BLNK: variants seen among roughly 807,000 people sequenced by gnomAD.
BLNK encodes the protein B cell linker, also known as B-cell linker protein.
Under a neutral mutation model 73.5 loss-of-function variants are expected in BLNK, and 29 were observed. The observed-to-expected ratio is 0.39, with a 90% CI of 0.29 to 0.54. The LOEUF (loss-of-function observed/expected upper bound fraction) is 0.54. Ranked by LOEUF, BLNK falls within the 20% of genes least tolerant of loss-of-function variation. The pLI, the probability that BLNK is intolerant of heterozygous loss-of-function variation, is 0.61. For missense variants in BLNK, 460 were observed against 562.8 expected, an observed-to-expected ratio of 0.82 and a Z score of 1.85; for synonymous variants, 176 against 200.8, an observed-to-expected ratio of 0.88 and a Z score of 1.04.
intron 4 of BLNK, among the ~76,000 whole-genome samples, chr10:96,228,077 G>A (rs935357291): frequency 7.1e-6 from 1 of 141,044 alleles, no homozygotes; most frequent in Admixed American, 7.8e-5. Context: ...TGGACTCAGG[G>A]TTTGCTCTCT....
At chr10:96,220,346 A>G (rs1405747944) in intron 6 of BLNK, among the ~76,000 whole-genome samples, 4 of 152,194 alleles carry the variant, frequency 2.6e-5, no homozygotes, top group East Asian at 1.9e-4. Context: ...TGCCACTTCA[A>G]TGATATTTCT....
In BLNK at chr10:96,227,779, C is replaced by A. The variant is rs12414118; in HGVS notation, c.205-213G>T. ...TTTATCGTCTCCACCACTGCACTGT[C>A]CTTGGGGGACACAGGAACTACTTAA... On this transcript the variant is annotated intron_variant, in intron 4 of 16. Coordinates refer to ENST00000224337, the MANE Select transcript of BLNK (RefSeq NM_013314.4). Among the ~76,000 whole-genome samples, 20,274 of 152,118 alleles carry A rather than the reference C, an allele frequency of 0.13. 1,907 individuals are homozygous for A. The highest frequency in any genetic ancestry group is 0.44 in the East Asian group (2,288 of 5,158).
chr10:96,215,443 T>TA, intron 7 of BLNK, 54 bp from the exon 8 acceptor site: 1 of 1,488,450 alleles, frequency 6.7e-7, no homozygotes, highest in East Asian at 2.5e-5. Flanking sequence ...ATAAAACCAT[T>TA]ACAGATACAT....
Position 96,215,384 on chromosome 10 carries a change from T to C in BLNK, c.613A>G (p.Met205Val). 1 of 1,612,050 alleles carries C rather than the reference T, an allele frequency of 6.2e-7. No individual in the cohort carries two copies. Among genetic ancestry groups the C allele is most frequent in the Non-Finnish European group, 8.5e-7 (1 of 1,179,392 alleles). Reference protein sequence around the residue: ...SSSPPPEKAPMVNRSTKPNSS... With the variant: ...SSSPPPEKAPVVNRSTKPNSS... ...TTTGGCTTGGTTGATCTATTCACCA[T>C]GGGAGCTTAAACACAGAAATGTGTG... The change falls in exon 8 of 17, where the codon ATG (methionine) becomes GTG (valine). Residue 205 changes from methionine to valine, a missense_variant. Coordinates refer to ENST00000224337, the MANE Select transcript of BLNK (RefSeq NM_013314.4).
At chr10:96,234,396 G>A (rs1282001901) in intron 3 of BLNK, among the ~76,000 whole-genome samples, 1 of 152,168 alleles carries the variant, frequency 6.6e-6, no homozygotes, top group Admixed American at 6.6e-5. Context: ...AAAAAGCATG[G>A]GAGTCCGAGG....
intron 3 of BLNK, among the ~76,000 whole-genome samples, chr10:96,232,099 T>C (rs1564835372): frequency 6.6e-6 from 1 of 152,242 alleles, no homozygotes; most frequent in Admixed American, 6.5e-5. Flanking sequence ...TCACATAAAC[T>C]GACCTTAGAG....
At chr10:96,271,301 T>G in intron 1 of BLNK, 51 bp downstream of exon 1, 1 of 1,587,562 alleles carries the variant, frequency 6.3e-7, no homozygotes, top group Non-Finnish European at 8.6e-7. Context: ...ATAAGAGCAC[T>G]GGGGGGAAAA....
At chr10:96,211,039 T>C (rs2083936464) in intron 8 of BLNK, among the ~76,000 whole-genome samples, 1 of 151,934 alleles carries the variant, frequency 6.6e-6, no homozygotes, top group Non-Finnish European at 1.5e-5. Context: ...ACCTGGCTAA[T>C]TTTTTGTCCA....
chr10:96,263,407 C>T (rs148191032), intron 1 of BLNK, among the ~76,000 whole-genome samples: 37 of 152,292 alleles, frequency 2.4e-4, no homozygotes, highest in African/African-American at 8.9e-4. Context: ...GGAAACTGGC[C>T]AACAGAGAAG....
intron 1 of BLNK, among the ~76,000 whole-genome samples, chr10:96,270,391 C>G (rs1172309962): frequency 6.6e-6 from 1 of 152,108 alleles, no homozygotes; most frequent in African/African-American, 2.4e-5. Flanking sequence ...GAACATTTGG[C>G]TAAGTTCTAA....
chr10:96,204,581 T>A lies in BLNK; in HGVS notation c.853A>T (p.Ser285Cys). The A allele has an allele frequency of 6.2e-7, 1 of 1,614,124 alleles. No individual in the cohort carries two copies. Among genetic ancestry groups the A allele is most frequent in the Admixed American group, 1.7e-5 (1 of 60,028 alleles). ...GACTGCACAGCTTCTTGTCTGTGAC[T>A]TGACCCTCGGTGGCGTTCAGCAGGT... is the stretch of plus-strand genomic sequence containing the variant. ...PIPAERHRGS[S>C]HRQEAVQSPV... Residue 285 changes from serine (S) to cysteine (C), a missense_variant, in exon 12 of 17, where the codon AGT becomes TGT. By Grantham distance (112) the Ser-to-Cys change is moderately radical. Coordinates refer to ENST00000224337, the MANE Select transcript of BLNK (RefSeq NM_013314.4).
Position 96,222,721 on chromosome 10 carries a change from T to G in BLNK, c.525+1105A>C, listed in dbSNP as rs587632410. Among the ~76,000 whole-genome samples the G allele has an allele frequency of 2.6e-5, 4 of 152,208 alleles. No individual in the cohort carries two copies. The East Asian group carries it at 7.7e-4, about 29-fold the overall frequency. On this transcript the variant is annotated intron_variant, in intron 6 of 16. Transcript: ENST00000224337. ...CCTCCACAGGTTGTGCGGGGTACCTTACAGACTAGCTATCTCCATTGTACA... is the reference window on the plus strand; with the variant it reads ...CCTCCACAGGTTGTGCGGGGTACCTGACAGACTAGCTATCTCCATTGTACA...
chr10:96,245,588 T>C (rs782116178), intron 2 of BLNK, among the ~76,000 whole-genome samples: 4 of 152,156 alleles, frequency 2.6e-5, no homozygotes, highest in African/African-American at 4.8e-5. Context: ...GTTAATTGAA[T>C]TATAATATAT....
chr10:96,247,123 C>A, intron 1 of BLNK, 74 bp from the exon 2 acceptor site: 1 of 1,045,726 alleles, frequency 9.6e-7, no homozygotes, highest in Non-Finnish European at 1.4e-6. Context: ...CTACTCTTCT[C>A]GAATACAAAA....
At chr10:96,260,888 G>A (rs1843726903) in intron 1 of BLNK, among the ~76,000 whole-genome samples, 1 of 151,476 alleles carries the variant, frequency 6.6e-6, no homozygotes. Flanking sequence ...CTGTCACCCA[G>A]GCTGGGGTAT....
chr10:96,255,557 C>G (rs1843473587), intron 1 of BLNK, among the ~76,000 whole-genome samples: 1 of 152,014 alleles, frequency 6.6e-6, no homozygotes, highest in Non-Finnish European at 1.5e-5. Context: ...GAGAAAATCC[C>G]TGTTTAATCT....
chr10:96,270,624 A>G (rs1844229572), intron 1 of BLNK, among the ~76,000 whole-genome samples: 3 of 152,068 alleles, frequency 2.0e-5, no homozygotes, highest in Admixed American at 2.0e-4. Flanking sequence ...AAAAAAAAAA[A>G]ACTGTTAAAA....
At chr10:96,261,792 A>G (rs1389382378) in intron 1 of BLNK, among the ~76,000 whole-genome samples, 7 of 152,226 alleles carry the variant, frequency 4.6e-5, no homozygotes, top group Non-Finnish European at 8.8e-5. Context: ...TTTGCAGTGC[A>G]ATGAAATACT....
Position 96,191,852 on chromosome 10 carries a change from A to G in BLNK, c.*121T>C. ...GATGACCACTTCAATAGCTGACTCC[A>G]TCTTCCATTTTATTACTGGATGATT... On this transcript the variant is annotated 3_prime_UTR_variant, in exon 17 of 17. Transcript: ENST00000224337. 7.4e-7 allele frequency: 1 copy of G among 1,351,850 alleles called. No homozygotes were observed. The highest frequency in any genetic ancestry group is 2.3e-5 in the East Asian group (1 of 43,272). The allele number at this position is 1,351,850 out of a possible 1,614,324, so 83.7% of individuals were successfully genotyped here. A position where few individuals can be genotyped will look rare whatever the true frequency, so the allele number is the denominator to read the frequency against.
Sources: allele counts gnomAD v4.1 joint callset (sites outside exome capture counted in the v4.1 genomes callset), GRCh38; gene constraint gnomAD v4.1.1; transcripts MANE v1.5; gene names NCBI Gene and HGNC (gene_info 2026-07-23, HGNC 2026-07-21).